ZMYND12: variants seen among roughly 807,000 people sequenced by gnomAD.
The protein encoded by ZMYND12 is zinc finger MYND domain-containing protein 12.
In ZMYND12, 32 loss-of-function variants were observed where a neutral mutation model predicts 41.7. That is an observed-to-expected ratio of 0.77 (90% CI 0.58 to 1.03). The LOEUF (loss-of-function observed/expected upper bound fraction) is 1.03, where lower values mean the gene tolerates loss of function less well. Among genes scored for constraint, ZMYND12 ranks in the 50% least tolerant of loss-of-function variants. ZMYND12 has a pLI of 0.00. For missense variants in ZMYND12, 424 were observed against 438.5 expected, an observed-to-expected ratio of 0.97 and a Z score of 0.30; for synonymous variants, 148 against 164.8, an observed-to-expected ratio of 0.90 and a Z score of 0.78.
rs1643049073 is a variant in ZMYND12, at chr1:42,448,630, C to T, written c.261G>A (p.Leu87=). 1 of 1,608,564 alleles carries T rather than the reference C, an allele frequency of 6.2e-7. No homozygotes were observed. Among genetic ancestry groups the T allele is most frequent in the Non-Finnish European group, 8.5e-7 (1 of 1,177,322 alleles). ...LQQLQQRQKY[L]IEFCYTIAQK... is the part of the protein sequence containing the mutation. ...GGGCTATGGTGTAGCAGAATTCAAT[C>T]AAATACTTCTGTGGAAGAGAGAAAC... The change falls in exon 3 of 8, where the codon TTG becomes TTA. Residue 87 remains leucine (L), a synonymous_variant. Transcript: ENST00000372565.
intron 1 of ZMYND12, among the ~76,000 whole-genome samples, chr1:42,453,723 C>T (rs1394625125): frequency 1.3e-5 from 2 of 152,160 alleles, no homozygotes; most frequent in South Asian, 2.1e-4. Context: ...GCAGGTTTTA[C>T]CCACGGCGGT....
chr1:42,433,299 AGGGG>A lies in ZMYND12; in HGVS notation c.830-15_830-12del. On this transcript the variant is annotated splice_polypyrimidine_tract_variant and intron_variant, in intron 6 of 7. Transcript: ENST00000372565. ...CTTCTTGGGCTTCATCTGCATTGGA[AGGGG>A]AAGAAAGAAAAAACAGGCTCTTGGC... is the stretch of plus-strand genomic sequence containing the variant. 1 of 1,592,782 alleles carries A rather than the reference AGGGG, an allele frequency of 6.3e-7. No homozygotes were observed. The highest frequency in any genetic ancestry group is 1.9e-5 in the Admixed American group (1 of 53,618).
chr1:42,438,363 C>G (rs1424347446), intron 4 of ZMYND12, among the ~76,000 whole-genome samples: 1 of 152,112 alleles, frequency 6.6e-6, no homozygotes, highest in Non-Finnish European at 1.5e-5. Flanking sequence ...TAGTGAAACA[C>G]CAGGGACTAC....
At chr1:42,439,136 G>C (rs150436233) in intron 4 of ZMYND12, among the ~76,000 whole-genome samples, 2,956 of 152,138 alleles carry the variant, frequency 0.019, 65 homozygotes, top group Middle Eastern at 0.082. Flanking sequence ...ATTAATCTTC[G>C]CAATGACCCA....
chr1:42,451,943 A>G (rs1191467761), intron 1 of ZMYND12, among the ~76,000 whole-genome samples: 3 of 152,142 alleles, frequency 2.0e-5, no homozygotes, highest in Non-Finnish European at 4.4e-5. Flanking sequence ...GATCTGTCCC[A>G]CCTGTAACAC....
intron 1 of ZMYND12, among the ~76,000 whole-genome samples, chr1:42,450,756 C>T: frequency 6.6e-6 from 1 of 152,114 alleles, no homozygotes; most frequent in Non-Finnish European, 1.5e-5. Flanking sequence ...CTGAGTACTG[C>T]TTTGCCAGCA....
chr1:42,442,312 G>A (rs34724863), intron 3 of ZMYND12, among the ~76,000 whole-genome samples: 27,203 of 152,086 alleles, frequency 0.18, 2,643 homozygotes, highest in African/African-American at 0.24. Flanking sequence ...GGACAAGCAC[G>A]CTTAAGAGCC....
intron 5 of ZMYND12, 59 bp from the exon 6 acceptor site, chr1:42,435,444 G>A (rs1225591192): frequency 7.5e-7 from 1 of 1,331,168 alleles, no homozygotes; most frequent in Admixed American, 1.7e-5. Flanking sequence ...GTCGGACCAG[G>A]CAGGTGAGGA....
chr1:42,431,500 G>C (rs912340567), intron 7 of ZMYND12, among the ~76,000 whole-genome samples: 1 of 152,192 alleles, frequency 6.6e-6, no homozygotes, highest in African/African-American at 2.4e-5. Context: ...AGTAGTGGGG[G>C]TTTGCAGTTT....
intron 5 of ZMYND12, 138 bp downstream of exon 5, chr1:42,436,283 T>C (rs1642907113): frequency 5.9e-6 from 7 of 1,193,424 alleles, no homozygotes; most frequent in Non-Finnish European, 7.1e-6. Context: ...TATCAGGCTA[T>C]ATAGTCTTGG....
chr1:42,454,304 A>C lies in ZMYND12; in HGVS notation c.110+1584T>G, dbSNP rs112507548. Among the ~76,000 whole-genome samples, 649 of 152,334 alleles carry C rather than the reference A, an allele frequency of 4.3e-3. 2 individuals carry two copies. Among genetic ancestry groups the C allele is most frequent in the African/African-American group, 0.015 (606 of 41,562 alleles). On this transcript the variant is annotated intron_variant, in intron 1 of 7. Transcript: ENST00000372565. ...ATTCTAAAGGCAAGGAAGCCACCAAAGAGGAGATAGCAATGAAAACACAGA... is the reference window on the plus strand; with the variant it reads ...ATTCTAAAGGCAAGGAAGCCACCAACGAGGAGATAGCAATGAAAACACAGA...
At chr1:42,450,123 C>A (rs1193499040) in intron 1 of ZMYND12, 64 bp from the exon 2 acceptor site, 2 of 1,577,696 alleles carry the variant, frequency 1.3e-6, no homozygotes, top group Non-Finnish European at 1.7e-6. Context: ...TCCATTAACC[C>A]TCCTACTGGC....
intron 1 of ZMYND12, among the ~76,000 whole-genome samples, chr1:42,452,075 T>A (rs941576914): frequency 2.0e-5 from 3 of 152,160 alleles, no homozygotes; most frequent in Non-Finnish European, 4.4e-5. Context: ...TAAGCTGAAT[T>A]TGAATATCTT....
At chr1:42,430,996 A>C (rs919599275) in intron 7 of ZMYND12, 138 bp from the exon 8 acceptor site, 3 of 1,218,154 alleles carry the variant, frequency 2.5e-6, no homozygotes, top group African/African-American at 3.0e-5. Flanking sequence ...CTTGTTGATA[A>C]ACCTGTAAAC....
chr1:42,455,135 A>G (rs1259425090), intron 1 of ZMYND12, among the ~76,000 whole-genome samples: 1 of 152,186 alleles, frequency 6.6e-6, no homozygotes, highest in Non-Finnish European at 1.5e-5. Flanking sequence ...GCCCTTAGCA[A>G]ACTCTGTTCT....
rs778324476 is a variant in ZMYND12 at position 42,435,278 on chromosome 1, G to T, written c.825C>A (p.Gly275=). ...TCAGGGAAAACTGCCACTTACCCAAGCCAGTGTCATTCTCAAATAGTTTGC... is the reference window on the plus strand; with the variant it reads ...TCAGGGAAAACTGCCACTTACCCAATCCAGTGTCATTCTCAAATAGTTTGC... The part of the protein sequence containing the change: ...LLGKLFENDT[G]LDEAQEAEAI... Residue 275 remains glycine (G), a synonymous_variant, in exon 6 of 8, where the codon GGC becomes GGA. Coordinates refer to ENST00000372565, the MANE Select transcript of ZMYND12 (RefSeq NM_032257.5). The T allele has an allele frequency of 6.2e-7, 1 of 1,612,336 alleles. No homozygotes were observed. Among genetic ancestry groups the T allele is most frequent in the Non-Finnish European group, 8.5e-7 (1 of 1,178,404 alleles).
At chr1:42,455,219 T>A (rs577677332) in intron 1 of ZMYND12, among the ~76,000 whole-genome samples, 1 of 152,322 alleles carries the variant, frequency 6.6e-6, no homozygotes, top group African/African-American at 2.4e-5. Context: ...ACACAGCAGG[T>A]TCTGACTGCC....
intron 4 of ZMYND12, among the ~76,000 whole-genome samples, chr1:42,437,897 AACTCCTG>A (rs1159364187): frequency 6.6e-6 from 1 of 152,188 alleles, no homozygotes; most frequent in Non-Finnish European, 1.5e-5. Context: ...GCTGATCTAG[AACTCCTG>A]ACCTCTGGTG....
At chr1:42,450,619 G>A (rs879469869) in intron 1 of ZMYND12, among the ~76,000 whole-genome samples, 2 of 152,126 alleles carry the variant, frequency 1.3e-5, no homozygotes, top group African/African-American at 2.4e-5. Context: ...TTATAAATAT[G>A]TTTTAGTTTG....
Sources: gnomAD v4.1 joint callset for allele counts (sites outside exome capture counted in the v4.1 genomes callset) on GRCh38, gnomAD v4.1.1 for gene constraint, MANE v1.5 for transcripts, NCBI Gene and HGNC (gene_info 2026-07-23, HGNC 2026-07-21) for gene names.